PRAG1: variants seen among roughly 807,000 people sequenced by gnomAD.
The protein encoded by PRAG1 is PEAK1 related, kinase-activating pseudokinase 1.
In PRAG1, 110 loss-of-function variants were observed where a neutral mutation model predicts 95.6. That is an observed-to-expected ratio of 1.15 (90% CI 0.99 to 1.35). PRAG1 has a LOEUF of 1.35. PRAG1 is among the 40% of genes most tolerant of loss of function. PRAG1 has a pLI of 0.00. For missense variants in PRAG1, 2,554 were observed against 1,864.7 expected, an observed-to-expected ratio of 1.37 and a Z score of -6.81; for synonymous variants, 1,052 against 819.4, an observed-to-expected ratio of 1.28 and a Z score of -4.85.
At chr8:8,359,469 C>T (rs193153933) in intron 3 of PRAG1, among the ~76,000 whole-genome samples, 8 of 152,238 alleles carry the variant, frequency 5.3e-5, no homozygotes, top group East Asian at 3.9e-4. Flanking sequence ...TTAGAAATAG[C>T]ATTAGGTACA....
At position 8,318,143 on chromosome 8, in the gene PRAG1, T is replaced by C. The variant is rs1273420472; in HGVS notation, c.*11A>G. 1.6e-5 allele frequency: 25 copies of C among 1,606,866 alleles called. No homozygotes were observed. The highest frequency in any genetic ancestry group is 2.0e-5 in the Non-Finnish European group (24 of 1,176,374). ...GGGAAGGGGCAGCGACGGTGCAGGC[T>C]GGGGCTTGGCTCACAGAAGCTGCAG... is the stretch of plus-strand genomic sequence containing the variant. On this transcript the variant is annotated 3_prime_UTR_variant, in exon 6 of 6. Transcript: ENST00000615670. This position sits in a 1 kb window ranked among gnomAD's most constrained non-coding sequence, Gnocchi z 4.2.
At position 8,377,274 on chromosome 8, in the gene PRAG1, C is replaced by T; in HGVS notation, c.1135G>A (p.Asp379Asn). 6.2e-7 allele frequency: 1 copy of T among 1,612,880 alleles called. No individual in the cohort carries two copies. ...MKEPAPEKQQ[D>N]PGCPGVTPSR... ...GGGGTCACCCCTGGGCAGCCAGGGT[C>T]CTGCTGCTTCTCTGGGGCAGGTTCC... is the stretch of plus-strand genomic sequence containing the variant. The change falls in exon 3 of 6, where the codon GAC (aspartate) becomes AAC (asparagine). Residue 379 changes from aspartate (D) to asparagine (N), a missense_variant. Coordinates refer to ENST00000615670, the MANE Select transcript of PRAG1 (RefSeq NM_001080826.3).
Position 8,340,751 on chromosome 8 carries a change from C to T in PRAG1, c.2163-1116G>A, listed in dbSNP as rs186916210. On this transcript the variant is annotated intron_variant, in intron 3 of 5. Transcript: ENST00000615670. ...TCAACAGGAGGGTTTAAAGTTTGTT[C>T]GCTACCACAAAAAGTGCTCCTTGAA... Among the ~76,000 whole-genome samples the T allele has an allele frequency of 4.1e-4, 63 of 152,258 alleles. 1 individual carries two copies. In the South Asian group the frequency reaches 5.4e-3, roughly 13 times the overall value.
At chr8:8,379,542 G>A (rs1251425354) in intron 2 of PRAG1, among the ~76,000 whole-genome samples, 1 of 152,192 alleles carries the variant, frequency 6.6e-6, no homozygotes, top group Non-Finnish European at 1.5e-5. Flanking sequence ...GGGACATCAA[G>A]TTCACTGCAA....
At position 8,376,593 on chromosome 8, in the gene PRAG1, T is replaced by C. The variant is rs984025835; in HGVS notation, c.1816A>G (p.Ile606Val). ...APSCRTNGVAISDPSRCPQPA... is the reference protein window; with the variant it reads ...APSCRTNGVAVSDPSRCPQPA... ...TGGGGACACCTGGATGGGTCACTGATAGCGACACCGTTGGTCCGGCAGGAA... is the reference window on the plus strand; with the variant it reads ...TGGGGACACCTGGATGGGTCACTGACAGCGACACCGTTGGTCCGGCAGGAA... Residue 606 changes from isoleucine to valine, a missense_variant, in exon 3 of 6, where the codon ATC (isoleucine) becomes GTC (valine). Coordinates refer to ENST00000615670, the MANE Select transcript of PRAG1 (RefSeq NM_001080826.3). 3.7e-6 allele frequency: 6 copies of C among 1,604,922 alleles called. No individual in the cohort carries two copies. The Admixed American group carries it at 5.0e-5, about 13-fold the overall frequency.
intron 3 of PRAG1, among the ~76,000 whole-genome samples, chr8:8,372,193 GT>G (rs1800230906): frequency 6.6e-6 from 1 of 152,176 alleles, no homozygotes; most frequent in African/African-American, 2.4e-5. Context: ...CATCTTAATT[GT>G]TTCCCCAGCT....
chr8:8,319,395 G>A (rs1798403250), intron 5 of PRAG1, 93 bp from the exon 6 acceptor site: 2 of 1,086,380 alleles, frequency 1.8e-6, no homozygotes. Context: ...CGTGCAATAA[G>A]CCTATCCACA....
At chr8:8,337,818 G>A (rs1258426001) in intron 4 of PRAG1, among the ~76,000 whole-genome samples, 1 of 152,066 alleles carries the variant, frequency 6.6e-6, no homozygotes, top group Non-Finnish European at 1.5e-5. Flanking sequence ...CAAACCTCCG[G>A]CAGCTCTCTG....
chr8:8,366,441 G>A (rs1800011112), intron 3 of PRAG1, among the ~76,000 whole-genome samples: 1 of 151,758 alleles, frequency 6.6e-6, no homozygotes, highest in Non-Finnish European at 1.5e-5. Context: ...AGCCTCCTGA[G>A]TAGCTAAGAT....
At position 8,328,075 on chromosome 8, in the gene PRAG1, C is replaced by T. The variant is rs13272376; in HGVS notation, c.2707G>A (p.Gly903Ser). The change falls in exon 5 of 6, where the codon GGC becomes AGC. Residue 903 changes from glycine to serine, a missense_variant. Transcript: ENST00000615670. ...LPAAGLAGNR[G>S]GCGSPGLQCK... is the part of the protein sequence containing the mutation. ...TGGAGGCCAGGGCTCCCGCAGCCGC[C>T]TCTGTTGCCCGCCAGCCCTGCTGCC... 1.2e-6 allele frequency: 2 copies of T among 1,605,868 alleles called. No individual in the cohort carries two copies. The highest frequency in any genetic ancestry group is 1.3e-5 in the African/African-American group (1 of 74,830).
At chr8:8,371,465 T>C (rs1800202292) in intron 3 of PRAG1, among the ~76,000 whole-genome samples, 1 of 151,912 alleles carries the variant, frequency 6.6e-6, no homozygotes, top group African/African-American at 2.4e-5. Flanking sequence ...TTCACCGTGT[T>C]AGCCAGGATG....
In PRAG1 at chr8:8,317,941, G is replaced by A. The variant is rs1798327512; in HGVS notation, c.*213C>T. The stretch of plus-strand genomic sequence containing the variant: ...CAGAAGAAAACAGGGAGGACTTAGT[G>A]CAGAGAGGAGACGAGTGTGGACGGG... On this transcript the variant is annotated 3_prime_UTR_variant, in exon 6 of 6. Coordinates refer to ENST00000615670, the MANE Select transcript of PRAG1 (RefSeq NM_001080826.3). 2.8e-6 allele frequency: 1 copy of A among 355,856 alleles called. No individual in the cohort carries two copies. The allele number at this position is 355,856 out of a possible 1,614,324, so 22.0% of individuals were successfully genotyped here. A position where few individuals can be genotyped will look rare whatever the true frequency, so the allele number is the denominator to read the frequency against.
At position 8,319,252 on chromosome 8, in the gene PRAG1, C is replaced by T; in HGVS notation, c.3123G>A (p.Val1041=). The change falls in exon 6 of 6, where the codon GTG becomes GTA. Residue 1041 remains valine, a synonymous_variant. Transcript: ENST00000615670. Reference sequence around the variant, plus strand: ...CCTGCTGGATGTTAAAGTGCACGGGCACGGACGGGCTGCAGTAGGAGACTG... The same window carrying T: ...CCTGCTGGATGTTAAAGTGCACGGGTACGGACGGGCTGCAGTAGGAGACTG... ...PKTVSYCSPS[V]PVHFNIQQDC... is the part of the protein sequence containing the mutation. The T allele has an allele frequency of 6.5e-7, 1 of 1,541,330 alleles. No individual in the cohort carries two copies. Among genetic ancestry groups the T allele is most frequent in the East Asian group, 2.3e-5 (1 of 43,104 alleles).
chr8:8,360,363 C>T (rs988593091), intron 3 of PRAG1, among the ~76,000 whole-genome samples: 9 of 152,238 alleles, frequency 5.9e-5, no homozygotes, highest in African/African-American at 2.2e-4. Flanking sequence ...TTACCTTCTC[C>T]TCTAAAATAC....
intron 3 of PRAG1, among the ~76,000 whole-genome samples, chr8:8,374,026 T>C (rs1254195637): frequency 6.6e-6 from 1 of 152,184 alleles, no homozygotes; most frequent in East Asian, 1.9e-4. Flanking sequence ...GTTCCTGGGA[T>C]TGAGCCATGC....
chr8:8,376,627 G>C lies in PRAG1; in HGVS notation c.1782C>G (p.Asp594Glu). 1 of 1,605,184 alleles carries C rather than the reference G, an allele frequency of 6.2e-7. No individual in the cohort carries two copies. The highest frequency in any genetic ancestry group is 8.5e-7 in the Non-Finnish European group (1 of 1,175,428). The change falls in exon 3 of 6, where the codon GAC becomes GAG. Residue 594 changes from aspartate to glutamate, a missense_variant. Asp to Glu is a conservative substitution (Grantham distance 45). Transcript: ENST00000615670. ...CGTTGGTCCGGCAGGAAGGAGCGGGGTCAGCAGGACCTTGGGATGGAGGCT... is the reference window on the plus strand; with the variant it reads ...CGTTGGTCCGGCAGGAAGGAGCGGGCTCAGCAGGACCTTGGGATGGAGGCT... Reference protein sequence around the residue: ...GPQPPSQGPADPAPSCRTNGV... With the variant: ...GPQPPSQGPAEPAPSCRTNGV...
At chr8:8,356,160 TA>T (rs2116878850) in intron 3 of PRAG1, among the ~76,000 whole-genome samples, 1 of 152,264 alleles carries the variant, frequency 6.6e-6, no homozygotes, top group South Asian at 2.1e-4. Flanking sequence ...CACCAACAGA[TA>T]AATGAAAAGG....
At position 8,376,499 on chromosome 8, in the gene PRAG1, C is replaced by A; in HGVS notation, c.1910G>T (p.Cys637Phe). The change falls in exon 3 of 6, where the codon TGC (cysteine) becomes TTC (phenylalanine). Residue 637 changes from cysteine to phenylalanine, a missense_variant. By Grantham distance (205) the Cys-to-Phe change is radical. Coordinates refer to ENST00000615670, the MANE Select transcript of PRAG1 (RefSeq NM_001080826.3). ...CACCTCCTCTTCTTCCTCTATCCGGCACTGACGACTCCAGGTGCCTGCCTG... is the reference window on the plus strand; with the variant it reads ...CACCTCCTCTTCTTCCTCTATCCGGAACTGACGACTCCAGGTGCCTGCCTG... ...RFQAGTWSRQ[C>F]RIEEEEEVEQ... 6.2e-7 allele frequency: 1 copy of A among 1,612,294 alleles called. No homozygotes were observed. Among genetic ancestry groups the A allele is most frequent in the East Asian group, 2.2e-5 (1 of 44,870 alleles).
At position 8,377,151 on chromosome 8, in the gene PRAG1, T is replaced by C. The variant is rs768155676; in HGVS notation, c.1258A>G (p.Lys420Glu). The change falls in exon 3 of 6, where the codon AAG becomes GAG. Residue 420 changes from lysine (K) to glutamate (E), a missense_variant. Lys to Glu is a moderately conservative substitution (Grantham distance 56). Transcript: ENST00000615670. ...TTGGAAGGCACCGGAGCTGCCTTCT[T>C]CCTCTTGGTGCTCTCAGCATAGATG... Reference protein sequence around the residue: ...EPIYAESTKRKKAAPVPSKSQ... With the variant: ...EPIYAESTKREKAAPVPSKSQ... The C allele has an allele frequency of 1.2e-6, 2 of 1,612,018 alleles. No individual in the cohort carries two copies. The highest frequency in any genetic ancestry group is 2.2e-5 in the South Asian group (2 of 91,076).
Sources: allele counts gnomAD v4.1 joint callset (sites outside exome capture counted in the v4.1 genomes callset), GRCh38; gene constraint gnomAD v4.1.1; non-coding constraint Gnocchi (gnomAD v3.1); transcripts MANE v1.5; gene names NCBI Gene and HGNC (gene_info 2026-07-23, HGNC 2026-07-21).